Variants in GALNT15 observed in about 807,000 individuals in gnomAD.
GALNT15 encodes polypeptide N-acetylgalactosaminyltransferase 15.
A neutral mutation model predicts 66.8 loss-of-function variants in GALNT15; 67 were observed. The ratio of observed to expected loss-of-function variants is 1.00; its 90% CI spans 0.82 to 1.23. The LOEUF is 1.23. Ranked by LOEUF, GALNT15 falls within the 50% of genes most tolerant of loss-of-function variation. GALNT15 has a pLI of 0.00. For synonymous variants in GALNT15, 313 were observed against 311.5 expected (o/e 1.00, Z -0.05); for missense variants, 827 against 804.3 (o/e 1.03, Z -0.34).
Position 16,191,389 on chromosome 3 carries a change from C to T in GALNT15, c.540-4371C>T. The T allele has an allele frequency of 1.1e-6, 1 of 946,442 alleles. No homozygotes were observed. The highest frequency in any genetic ancestry group is 4.9e-5 in the South Asian group (1 of 20,536). 58.6% of individuals were successfully genotyped at this position (946,442 alleles called of 1,614,324 possible). On this transcript the variant is annotated intron_variant, in intron 1 of 9. Transcript: ENST00000339732. This position sits in a 1 kb window ranked among gnomAD's most constrained non-coding sequence, Gnocchi z 5.2. Reference sequence around the variant, plus strand: ...CATGGTGCTCACTCTGTGCCACCCACTGTTCTTGGTGCTTTATAAAGATCA... The same window carrying T: ...CATGGTGCTCACTCTGTGCCACCCATTGTTCTTGGTGCTTTATAAAGATCA...
rs922988132 is a variant in GALNT15, at chr3:16,211,023, C to G, written c.1080-101C>G. 4 of 794,166 alleles carry G rather than the reference C, an allele frequency of 5.0e-6. No homozygotes were observed. The highest frequency in any genetic ancestry group is 1.7e-5 in the African/African-American group (1 of 58,262). The allele number at this position is 794,166 out of a possible 1,614,324, so 49.2% of individuals were successfully genotyped here. A position where few individuals can be genotyped will look rare whatever the true frequency, so the allele number is the denominator to read the frequency against. ...TTTACCTGAGCCTAAAGCCTGTTCT[C>G]TCAGCCACTGGAGCTCCCACCTGGG... On this transcript the variant is annotated intron_variant, in intron 4 of 9. Coordinates refer to ENST00000339732, the MANE Select transcript of GALNT15 (RefSeq NM_054110.5). The surrounding 1 kb of genome is among the most constrained non-coding windows in gnomAD (Gnocchi z 4.3).
intron 3 of GALNT15, among the ~76,000 whole-genome samples, chr3:16,202,996 C>T (rs982490145): frequency 2.6e-5 from 4 of 152,190 alleles, no homozygotes; most frequent in Non-Finnish European, 4.4e-5. Context: ...GTGTAACCCT[C>T]GCAGACTTCT....
chr3:16,227,517 G>GA lies in GALNT15; in HGVS notation c.*21dup. 1 of 1,614,072 alleles carries GA rather than the reference G, an allele frequency of 6.2e-7. No homozygotes were observed. Among genetic ancestry groups the GA allele is most frequent in the South Asian group, 1.1e-5 (1 of 91,062 alleles). On this transcript the variant is annotated 3_prime_UTR_variant, in exon 10 of 10. Coordinates refer to ENST00000339732, the MANE Select transcript of GALNT15 (RefSeq NM_054110.5). This position sits in a 1 kb window ranked among gnomAD's most constrained non-coding sequence, Gnocchi z 4.5. The stretch of plus-strand genomic sequence containing the variant: ...GAACGATGAATGTCAATGTCAGAAG[G>GA]AAAAGAGAATTTTGGCCATCAAAAT...
chr3:16,215,913 A>AC (rs2063867496), intron 6 of GALNT15, among the ~76,000 whole-genome samples: 2 of 150,708 alleles, frequency 1.3e-5, no homozygotes, highest in East Asian at 1.9e-4. Context: ...CGCCAAAAAA[A>AC]AAAAAAAAAA....
At chr3:16,206,827 C>T (rs1374004870) in intron 3 of GALNT15, among the ~76,000 whole-genome samples, 3 of 152,124 alleles carry the variant, frequency 2.0e-5, no homozygotes, top group South Asian at 2.1e-4. Flanking sequence ...CCTAATTCAG[C>T]CACACAGTTC....
In GALNT15 at chr3:16,206,692, A is replaced by G. The variant is rs559031836; in HGVS notation, c.912-1811A>G. Among the ~76,000 whole-genome samples the G allele has an allele frequency of 3.2e-4, 49 of 151,308 alleles. 1 individual carries two copies. In the East Asian group the frequency reaches 6.8e-3, roughly 21 times the overall value. On this transcript the variant is annotated intron_variant, in intron 3 of 9. Coordinates refer to ENST00000339732, the MANE Select transcript of GALNT15 (RefSeq NM_054110.5). ...TGTCTAAAAAAAAAAAAAAAAAAAAAAAAGAAAGAAAGAAATACACAGCAT... is the reference window on the plus strand; with the variant it reads ...TGTCTAAAAAAAAAAAAAAAAAAAAGAAAGAAAGAAAGAAATACACAGCAT...
chr3:16,239,362 T>C, the GALNT15 span, among the ~76,000 whole-genome samples: 2 of 152,112 alleles, frequency 1.3e-5, no homozygotes, highest in Non-Finnish European at 2.9e-5. This position sits in a 1 kb window ranked among gnomAD's most constrained non-coding sequence, Gnocchi z 5.2. Context: ...GTACATGCAT[T>C]TTGAGATGCC....
the GALNT15 span, among the ~76,000 whole-genome samples, chr3:16,238,831 G>T: frequency 1.3e-5 from 2 of 152,332 alleles, no homozygotes; most frequent in East Asian, 1.9e-4. The surrounding 1 kb of genome is among the most constrained non-coding windows in gnomAD (Gnocchi z 4.8). Flanking sequence ...TAGGTGCATT[G>T]GTTTGGATGC....
At chr3:16,238,410 G>A in the GALNT15 span, among the ~76,000 whole-genome samples, 1 of 151,870 alleles carries the variant, frequency 6.6e-6, no homozygotes, top group Non-Finnish European at 1.5e-5. The surrounding 1 kb of genome is among the most constrained non-coding windows in gnomAD (Gnocchi z 4.8). Flanking sequence ...ACCATTGTTA[G>A]TACTATGTAC....
rs377760282 is a variant in GALNT15 at position 16,200,570 on chromosome 3, T to C, written c.707-49T>C. On this transcript the variant is annotated intron_variant, in intron 2 of 9. Transcript: ENST00000339732. The surrounding 1 kb of genome is among the most constrained non-coding windows in gnomAD (Gnocchi z 4.4). ...GACGATTGTCTTAGTCACAATCTCA[T>C]CGGTTGTGGCATTTGTCATTCCACT... 2.3e-4 allele frequency: 314 copies of C among 1,383,744 alleles called. 1 individual carries two copies. Among genetic ancestry groups the C allele is most frequent in the Non-Finnish European group, 2.8e-4 (293 of 1,029,760 alleles). The allele number at this position is 1,383,744 out of a possible 1,614,324, so 85.7% of individuals were successfully genotyped here.
At chr3:16,205,744 A>G (rs1014861150) in intron 3 of GALNT15, among the ~76,000 whole-genome samples, 2 of 152,222 alleles carry the variant, frequency 1.3e-5, no homozygotes, top group African/African-American at 4.8e-5. Flanking sequence ...GACTACAGTT[A>G]GTAATTTAGT....
chr3:16,233,058 A>G (rs745359560), downstream of GALNT15, among the ~76,000 whole-genome samples: 4 of 145,878 alleles, frequency 2.7e-5, no homozygotes, highest in Non-Finnish European at 6.0e-5. Flanking sequence ...CCACATGGTA[A>G]GATGATTTGA....
Position 16,219,817 on chromosome 3 carries a change from A to T in GALNT15, c.1525-93A>T, listed in dbSNP as rs890985681. 9.2e-6 allele frequency: 10 copies of T among 1,085,734 alleles called. No individual in the cohort carries two copies. The African/African-American group carries it at 1.4e-4, about 15-fold the overall frequency. 67.3% of individuals were successfully genotyped at this position (1,085,734 alleles called of 1,614,324 possible). A position where few individuals can be genotyped will look rare whatever the true frequency, so the allele number is the denominator to read the frequency against. ...GCCTGAACAATGTGCCTTGGGCTGC[A>T]CTCCAGAGAATACAGCAAAGGAATG... On this transcript the variant is annotated intron_variant, in intron 7 of 9. Coordinates refer to ENST00000339732, the MANE Select transcript of GALNT15 (RefSeq NM_054110.5). This position sits in a 1 kb window ranked among gnomAD's most constrained non-coding sequence, Gnocchi z 4.3.
rs913661996 is a variant in GALNT15 at position 16,186,177 on chromosome 3, T to C, written c.540-9583T>C. On this transcript the variant is annotated intron_variant, in intron 1 of 9. Transcript: ENST00000339732. The surrounding 1 kb of genome is among the most constrained non-coding windows in gnomAD (Gnocchi z 5.1). ...TTCTTCAAAGAAGACATAAAAATGG[T>C]CAATAGCACACGAAAAGATGTTCAA... is the stretch of plus-strand genomic sequence containing the variant. Among the ~76,000 whole-genome samples the C allele has an allele frequency of 1.3e-5, 2 of 152,098 alleles. No homozygotes were observed. The highest frequency in any genetic ancestry group is 2.9e-5 in the Non-Finnish European group (2 of 68,010).
Position 16,182,498 on chromosome 3 carries a change from A to G in GALNT15, c.539+6808A>G, listed in dbSNP as rs549675107. Among the ~76,000 whole-genome samples the G allele has an allele frequency of 8.5e-5, 13 of 152,348 alleles. No individual in the cohort carries two copies. In the East Asian group the frequency reaches 2.5e-3, roughly 29 times the overall value. Reference sequence around the variant, plus strand: ...TGGAGTTACTGCAAGTTTACACAGGAAGTAAGTAAGGAACAGGGAACTGTC... The same window carrying G: ...TGGAGTTACTGCAAGTTTACACAGGGAGTAAGTAAGGAACAGGGAACTGTC... On this transcript the variant is annotated intron_variant, in intron 1 of 9. Transcript: ENST00000339732. This position sits in a 1 kb window ranked among gnomAD's most constrained non-coding sequence, Gnocchi z 6.1.
At chr3:16,220,157 G>A (rs2063927859) in intron 8 of GALNT15, 143 bp downstream of exon 8, 2 of 679,150 alleles carry the variant, frequency 2.9e-6, no homozygotes, top group Non-Finnish European at 5.4e-6. Flanking sequence ...GTCCCCCACT[G>A]TAATGACTCA....
chr3:16,197,610 T>C (rs2063652772), intron 2 of GALNT15, among the ~76,000 whole-genome samples: 1 of 152,314 alleles, frequency 6.6e-6, no homozygotes, highest in Non-Finnish European at 1.5e-5. Context: ...GCCACCTTGA[T>C]GGGCTTCCAA....
In GALNT15 at chr3:16,183,909, A is replaced by G; in HGVS notation, c.539+8219A>G. ...CACAGGGGATCCTGGAGCTGCAGGA[A>G]AAGAGGGTGTGCATCTGTATGTAAA... On this transcript the variant is annotated intron_variant, in intron 1 of 9. Transcript: ENST00000339732. The surrounding 1 kb of genome is among the most constrained non-coding windows in gnomAD (Gnocchi z 5.2). Among the ~76,000 whole-genome samples the G allele has an allele frequency of 6.6e-6, 1 of 152,190 alleles. No homozygotes were observed. Among genetic ancestry groups the G allele is most frequent in the African/African-American group, 2.4e-5 (1 of 41,434 alleles).
At chr3:16,210,799 G>A (rs2063804606) in intron 4 of GALNT15, among the ~76,000 whole-genome samples, 1 of 152,176 alleles carries the variant, frequency 6.6e-6, no homozygotes, top group Non-Finnish European at 1.5e-5. Context: ...TTTAAGCAAG[G>A]CCTTCTTCCC....
Sources: gnomAD v4.1 joint callset for allele counts (sites outside exome capture counted in the v4.1 genomes callset) on GRCh38, gnomAD v4.1.1 for gene constraint, Gnocchi (gnomAD v3.1) non-coding constraint, MANE v1.5 for transcripts, NCBI Gene and HGNC (gene_info 2026-07-23, HGNC 2026-07-21) for gene names.